The following NAA25 variants were observed in gnomAD, a reference collection of about 807,000 sequenced individuals.
The protein encoded by NAA25 is N-terminal acetyltransferase B complex subunit NAA25.
NAA25 carries 30 observed loss-of-function variants against 132.5 expected under a neutral mutation model. That is an observed-to-expected ratio of 0.23 (90% CI 0.17 to 0.31). The LOEUF is 0.31. Among genes scored for constraint, NAA25 ranks in the 10% least tolerant of loss-of-function variants. NAA25 has a pLI of 1.00. For synonymous variants in NAA25, 359 were observed against 401.9 expected (o/e 0.89, Z 1.28); for missense variants, 771 against 1,150.4 (o/e 0.67, Z 4.77).
chr12:112,105,071 G>A (rs1229334509), intron 1 of NAA25, among the ~76,000 whole-genome samples: 1 of 151,822 alleles, frequency 6.6e-6, no homozygotes, highest in Non-Finnish European at 1.5e-5. Context: ...TGTAACCCCA[G>A]CACTTTGGGA....
At chr12:112,078,507 A>G in intron 6 of NAA25, 127 bp downstream of exon 6, 1 of 853,280 alleles carries the variant, frequency 1.2e-6, no homozygotes, top group South Asian at 1.7e-5. Context: ...CTTCAGATTT[A>G]CCCAAAGGCC....
Position 112,043,718 on chromosome 12 carries a change from C to A in NAA25, c.2157G>T (p.Gly719=). 1 of 1,614,126 alleles carries A rather than the reference C, an allele frequency of 6.2e-7. No individual in the cohort carries two copies. The highest frequency in any genetic ancestry group is 8.5e-7 in the Non-Finnish European group (1 of 1,180,022). The change falls in exon 18 of 24, where the codon GGG becomes GGT. Residue 719 remains glycine, a synonymous_variant. Transcript: ENST00000261745. ...GAAGAATATCAATCCGGGAGGATAC[C>A]CCATTCTCGGCAGTCTTCTCCGAGT... ...PKNSEKTAEN[G]VSSRIDILRL...
intron 1 of NAA25, among the ~76,000 whole-genome samples, chr12:112,106,324 T>A: frequency 6.6e-6 from 1 of 152,052 alleles, no homozygotes; most frequent in Admixed American, 6.6e-5. Flanking sequence ...CCAAAGAAAT[T>A]CTCTTTGGTC....
rs557715613 is a variant in NAA25 at position 112,102,988 on chromosome 12, C to T, written c.58+5728G>A. Among the ~76,000 whole-genome samples the T allele has an allele frequency of 3.3e-5, 5 of 150,542 alleles. No individual in the cohort carries two copies. The South Asian group carries it at 6.3e-4, about 19-fold the overall frequency. On this transcript the variant is annotated intron_variant, in intron 1 of 23. Coordinates refer to ENST00000261745, the MANE Select transcript of NAA25 (RefSeq NM_024953.4). Reference sequence around the variant, plus strand: ...CAGGCGTGAGCCACTGCACTCAGCCCTATTTTTTATTTTTTTGAGATGAAG... The same window carrying T: ...CAGGCGTGAGCCACTGCACTCAGCCTTATTTTTTATTTTTTTGAGATGAAG...
At chr12:112,066,865 A>C (rs188173649) in intron 11 of NAA25, among the ~76,000 whole-genome samples, 27 of 152,334 alleles carry the variant, frequency 1.8e-4, no homozygotes, top group Non-Finnish European at 2.2e-4. Context: ...CATGGACTAC[A>C]AATGTGGTCA....
intron 11 of NAA25, among the ~76,000 whole-genome samples, chr12:112,066,652 G>A (rs1050891637): frequency 2.0e-5 from 3 of 151,932 alleles, no homozygotes; most frequent in Non-Finnish European, 4.4e-5. Flanking sequence ...CTCCTTTCTG[G>A]ATGTGTTACA....
intron 23 of NAA25, among the ~76,000 whole-genome samples, chr12:112,030,665 G>C (rs1474023936): frequency 6.6e-6 from 1 of 152,220 alleles, no homozygotes; most frequent in African/African-American, 2.4e-5. Context: ...ATGAAGTTGA[G>C]TGCTGCAGAG....
intron 4 of NAA25, among the ~76,000 whole-genome samples, chr12:112,082,672 T>C (rs1342633137): frequency 6.6e-6 from 1 of 151,922 alleles, no homozygotes; most frequent in Non-Finnish European, 1.5e-5. Context: ...TTCATTTTCT[T>C]ACCTCTTCTT....
In NAA25 at chr12:112,040,544, T is replaced by G; in HGVS notation, c.2475A>C (p.Glu825Asp). 6.2e-7 allele frequency: 1 copy of G among 1,604,392 alleles called. No homozygotes were observed. The highest frequency in any genetic ancestry group is 8.5e-7 in the Non-Finnish European group (1 of 1,174,274). ...VFSKCKGDLL[E>D]VKDGNLKTHP... ...GTGTTTTCAAGTTACCATCTTTAACTTCTAAGAGGTCACCTTTACATTTAC... is the reference window on the plus strand; with the variant it reads ...GTGTTTTCAAGTTACCATCTTTAACGTCTAAGAGGTCACCTTTACATTTAC... Residue 825 changes from glutamate to aspartate, a missense_variant, in exon 21 of 24, where the codon GAA (glutamate) becomes GAC (aspartate). Glu to Asp is a conservative substitution (Grantham distance 45, BLOSUM62 2). Coordinates refer to ENST00000261745, the MANE Select transcript of NAA25 (RefSeq NM_024953.4).
chr12:112,104,019 C>T (rs923517557), intron 1 of NAA25, among the ~76,000 whole-genome samples: 1 of 152,186 alleles, frequency 6.6e-6, no homozygotes, highest in Non-Finnish European at 1.5e-5. Flanking sequence ...CAGTATCACA[C>T]ACCATCCTGG....
At chr12:112,093,442 G>A (rs1392543217) in intron 1 of NAA25, among the ~76,000 whole-genome samples, 1 of 152,054 alleles carries the variant, frequency 6.6e-6, no homozygotes, top group African/African-American at 2.4e-5. Context: ...TCGGGAGGCT[G>A]AGGCACGAGA....
At chr12:112,076,064 G>A (rs749390178) in intron 7 of NAA25, among the ~76,000 whole-genome samples, 1 of 151,960 alleles carries the variant, frequency 6.6e-6, no homozygotes, top group African/African-American at 2.4e-5. Flanking sequence ...TGTATTTTTA[G>A]TAGAGACAGG....
At chr12:112,082,398 TAC>T (rs755837808) in intron 4 of NAA25, among the ~76,000 whole-genome samples, 1 of 151,610 alleles carries the variant, frequency 6.6e-6, no homozygotes, top group Non-Finnish European at 1.5e-5. Flanking sequence ...TGTAAAACCT[TAC>T]ACACACACAT....
At chr12:112,070,554 G>T (rs975664020) in intron 10 of NAA25, among the ~76,000 whole-genome samples, 5 of 152,020 alleles carry the variant, frequency 3.3e-5, no homozygotes, top group African/African-American at 1.2e-4. Flanking sequence ...TATTGTTTTT[G>T]ACTGTTTTTA....
intron 1 of NAA25, among the ~76,000 whole-genome samples, chr12:112,101,918 G>A (rs911688214): frequency 2.0e-5 from 3 of 148,378 alleles, no homozygotes; most frequent in African/African-American, 7.5e-5. Flanking sequence ...CCAGGCTGCA[G>A]TACAGTGGTG....
rs2079158976 is a variant in NAA25 at position 112,093,018 on chromosome 12, A to C, written c.144+33T>G. 2.1e-6 allele frequency: 3 copies of C among 1,463,410 alleles called. No homozygotes were observed. The South Asian group carries it at 3.5e-5, about 17-fold the overall frequency. The allele number at this position is 1,463,410 out of a possible 1,614,324, so 90.7% of individuals were successfully genotyped here. On this transcript the variant is annotated intron_variant, in intron 2 of 23. Coordinates refer to ENST00000261745, the MANE Select transcript of NAA25 (RefSeq NM_024953.4). The stretch of plus-strand genomic sequence containing the variant: ...TAAGGAATTACAAATATAACCCGCC[A>C]CAGGTAAGTAACTGAAGGGCAAATG...
chr12:112,043,483 TA>T, intron 18 of NAA25, 141 bp downstream of exon 18: 3 of 1,036,324 alleles, frequency 2.9e-6, no homozygotes, highest in Non-Finnish European at 4.1e-6. Context: ...CCTCTGAGTC[TA>T]AAATATTCCT....
At chr12:112,096,599 T>C (rs1422316793) in intron 1 of NAA25, among the ~76,000 whole-genome samples, 1 of 152,194 alleles carries the variant, frequency 6.6e-6, no homozygotes, top group Non-Finnish European at 1.5e-5. Flanking sequence ...CCTAATATTC[T>C]GGAGAGGCAT....
At chr12:112,060,196 T>C (rs1469590656) in intron 13 of NAA25, 74 bp downstream of exon 13, 2 of 932,656 alleles carry the variant, frequency 2.1e-6, no homozygotes, top group African/African-American at 3.4e-5. Flanking sequence ...GTAAAATTAG[T>C]CTAATGAAAG....
Sources: gnomAD v4.1 joint callset for allele counts (sites outside exome capture counted in the v4.1 genomes callset) on GRCh38, gnomAD v4.1.1 for gene constraint, MANE v1.5 for transcripts, NCBI Gene and HGNC (gene_info 2026-07-23, HGNC 2026-07-21) for gene names.